The following HAUS1 variants were observed in gnomAD, a reference collection of about 807,000 sequenced individuals.
HAUS1 encodes HAUS augmin-like complex subunit 1.
A neutral mutation model predicts 38.6 loss-of-function variants in HAUS1; 25 were observed. The ratio of observed to expected loss-of-function variants is 0.65; its 90% CI spans 0.47 to 0.91. HAUS1 has a LOEUF of 0.91. HAUS1 is among the 40% of genes least tolerant of loss of function. The pLI, the probability that HAUS1 is intolerant of heterozygous loss-of-function variation, is 0.00. For missense variants in HAUS1, 325 were observed against 328.4 expected, an observed-to-expected ratio of 0.99 and a Z score of 0.08; for synonymous variants, 109 against 112.9, an observed-to-expected ratio of 0.97 and a Z score of 0.22.
rs569369970 is a variant in HAUS1 at position 46,128,229 on chromosome 18, T to A, written c.*104T>A. The A allele has an allele frequency of 3.8e-5, 22 of 586,650 alleles. No homozygotes were observed. The African/African-American group carries it at 3.8e-4, about 10-fold the overall frequency. The allele number at this position is 586,650 out of a possible 1,614,324, so 36.3% of individuals were successfully genotyped here. A position where few individuals can be genotyped will look rare whatever the true frequency, so the allele number is the denominator to read the frequency against. ...TTCCTAATAACAAAACTTTCTGTGT[T>A]CTTAGATTACAGAATATCATAATTG... On this transcript the variant is annotated 3_prime_UTR_variant, in exon 9 of 9. Transcript: ENST00000282058.
chr18:46,116,609 C>T (rs985878981), intron 2 of HAUS1, among the ~76,000 whole-genome samples: 1 of 151,636 alleles, frequency 6.6e-6, no homozygotes. Flanking sequence ...AATAAAAAGA[C>T]AACCCAATTT....
chr18:46,125,035 T>C, intron 7 of HAUS1, 142 bp downstream of exon 7: 1 of 526,502 alleles, frequency 1.9e-6, no homozygotes, highest in Non-Finnish European at 3.4e-6. Flanking sequence ...CAAGGCAGGC[T>C]GATCACCTGA....
chr18:46,118,664 G>A (rs949088867), intron 3 of HAUS1, among the ~76,000 whole-genome samples: 3 of 152,030 alleles, frequency 2.0e-5, no homozygotes, highest in Non-Finnish European at 4.4e-5. Flanking sequence ...TTGTTAAGTA[G>A]GTCAGGAATT....
chr18:46,123,403 T>C, intron 6 of HAUS1, 39 bp downstream of exon 6: 1 of 1,331,466 alleles, frequency 7.5e-7, no homozygotes, highest in East Asian at 2.3e-5. Flanking sequence ...TCTTTAAAAT[T>C]TTACTCCACA....
chr18:46,104,510 C>A, intron 1 of HAUS1, 69 bp downstream of exon 1: 2 of 1,322,074 alleles, frequency 1.5e-6, no homozygotes, highest in Non-Finnish European at 1.0e-6. Context: ...GCGCCGACAG[C>A]GGGTCTCCTG....
At chr18:46,120,607 A>T (rs1164740109) in intron 4 of HAUS1, among the ~76,000 whole-genome samples, 1 of 151,128 alleles carries the variant, frequency 6.6e-6, no homozygotes, top group African/African-American at 2.4e-5. Flanking sequence ...TCTTTTTGAG[A>T]TGGAGTCTCG....
chr18:46,105,592 G>GTGTGTGTGTA (rs796714516), intron 2 of HAUS1, among the ~76,000 whole-genome samples: 1 of 144,936 alleles, frequency 6.9e-6, no homozygotes, highest in African/African-American at 2.6e-5. Context: ...GTGTGTGTGT[G>GTGTGTGTGTA]TATATATTTT....
rs576138392 is a variant in HAUS1 at position 46,104,701 on chromosome 18, G to A, written c.30+260G>A. Among the ~76,000 whole-genome samples, 121 of 152,202 alleles carry A rather than the reference G, an allele frequency of 7.9e-4. 1 individual carries two copies. The highest frequency in any genetic ancestry group is 1.5e-3 in the Non-Finnish European group (104 of 68,024). On this transcript the variant is annotated intron_variant, in intron 1 of 8. Coordinates refer to ENST00000282058, the MANE Select transcript of HAUS1 (RefSeq NM_138443.4). ...TGAGCAGCCCGTGTCCACAGACTCT[G>A]GAGTGGGACTTATGAAGCCAAACCC...
At chr18:46,123,802 TG>T (rs1912018965) in intron 6 of HAUS1, among the ~76,000 whole-genome samples, 1 of 152,244 alleles carries the variant, frequency 6.6e-6, no homozygotes, top group African/African-American at 2.4e-5. Flanking sequence ...GGTTTTGTTT[TG>T]TTTTATTATT....
At chr18:46,124,256 A>G (rs1170044254) in intron 6 of HAUS1, among the ~76,000 whole-genome samples, 1 of 151,778 alleles carries the variant, frequency 6.6e-6, no homozygotes, top group Non-Finnish European at 1.5e-5. Context: ...CTAAAAATAC[A>G]AAAATTAGCC....
intron 2 of HAUS1, among the ~76,000 whole-genome samples, chr18:46,116,601 TAAA>T (rs1407604200): frequency 6.6e-6 from 1 of 150,986 alleles, no homozygotes; most frequent in Non-Finnish European, 1.5e-5. Context: ...ACCTCAATAA[TAAA>T]AAGACAACCC....
intron 2 of HAUS1, among the ~76,000 whole-genome samples, chr18:46,112,309 TATATATA>T (rs1438563863): frequency 7.0e-5 from 9 of 127,744 alleles, no homozygotes; most frequent in South Asian, 2.2e-4. Flanking sequence ...TATTCCATAT[TATATATA>T]ATATATATAA....
intron 2 of HAUS1, 184 bp downstream of exon 2, chr18:46,105,552 G>GTA: frequency 4.7e-5 from 2 of 42,972 alleles, no homozygotes; most frequent in Non-Finnish European, 9.8e-5. Flanking sequence ...GTATATGTAT[G>GTA]TGTGTGTGTG....
intron 5 of HAUS1, 71 bp downstream of exon 5, chr18:46,122,661 CATT>C (rs1226443812): frequency 2.8e-5 from 43 of 1,535,486 alleles, no homozygotes; most frequent in Non-Finnish European, 3.9e-5. Context: ...CACAGCTAGG[CATT>C]ATTATTCCCT....
chr18:46,104,749 C>T (rs1418473738), intron 1 of HAUS1, among the ~76,000 whole-genome samples: 1 of 146,362 alleles, frequency 6.8e-6, no homozygotes, highest in Non-Finnish European at 1.6e-5. Flanking sequence ...GCTGCTCAGC[C>T]CGGCGGCTTC....
At position 46,119,972 on chromosome 18, in the gene HAUS1, A is replaced by G. The variant is rs1321876122; in HGVS notation, c.388A>G (p.Lys130Glu). 1 of 1,610,164 alleles carries G rather than the reference A, an allele frequency of 6.2e-7. No individual in the cohort carries two copies. Among genetic ancestry groups the G allele is most frequent in the Non-Finnish European group, 8.5e-7 (1 of 1,178,526 alleles). The change falls in exon 4 of 9, where the codon AAA becomes GAA. Residue 130 changes from lysine to glutamate, a missense_variant. Lys to Glu is a moderately conservative substitution (Grantham distance 56, BLOSUM62 1). Coordinates refer to ENST00000282058, the MANE Select transcript of HAUS1 (RefSeq NM_138443.4). ...NDLTSDLFRT[K>E]SKSEEIKIEL... is the part of the protein sequence containing the mutation. ...TTTGACCTCTGATCTCTTTCGTACC[A>G]AATCCAAAAGTGAAGAAATCAAGAT... is the stretch of plus-strand genomic sequence containing the variant.
chr18:46,110,341 T>TGTTTG (rs1568262602), intron 2 of HAUS1, among the ~76,000 whole-genome samples: 4 of 120,070 alleles, frequency 3.3e-5, no homozygotes, highest in Non-Finnish European at 6.9e-5. Context: ...AGGTTTTTTT[T>TGTTTG]TTTTTTTTTT....
Position 46,113,425 on chromosome 18 carries a change from G to A in HAUS1, c.206-4756G>A, listed in dbSNP as rs540453444. Among the ~76,000 whole-genome samples, 569 of 151,960 alleles carry A rather than the reference G, an allele frequency of 3.7e-3. 5 individuals are homozygous for A. Among genetic ancestry groups the A allele is most frequent in the African/African-American group, 0.012 (518 of 41,444 alleles). On this transcript the variant is annotated intron_variant, in intron 2 of 8. Transcript: ENST00000282058. Reference sequence around the variant, plus strand: ...AAGTTCACTTATTCTTTCTTCTGCCGCTGCAAATCTAGTGTTAATTCTCTC... The same window carrying A: ...AAGTTCACTTATTCTTTCTTCTGCCACTGCAAATCTAGTGTTAATTCTCTC...
chr18:46,112,138 G>A (rs1405559229), intron 2 of HAUS1, among the ~76,000 whole-genome samples: 1 of 149,632 alleles, frequency 6.7e-6, no homozygotes, highest in Non-Finnish European at 1.5e-5. Context: ...GCCAGCTTTG[G>A]CTTCCCAAAG....
Sources: gnomAD v4.1 joint callset for allele counts (sites outside exome capture counted in the v4.1 genomes callset) on GRCh38, gnomAD v4.1.1 for gene constraint, MANE v1.5 for transcripts, NCBI Gene and HGNC (gene_info 2026-07-23, HGNC 2026-07-21) for gene names.